The following FHIT variants were observed in gnomAD, a reference collection of about 807,000 sequenced individuals.
FHIT encodes the protein fragile histidine triad diadenosine triphosphatase, also known as bis(5'-adenosyl)-triphosphatase.
FHIT carries 19 observed loss-of-function variants against 17.9 expected under a neutral mutation model. The ratio of observed to expected loss-of-function variants is 1.06; its 90% CI spans 0.74 to 1.56. The LOEUF (loss-of-function observed/expected upper bound fraction) is 1.56. Ranked by LOEUF, FHIT falls within the 40% of genes most tolerant of loss-of-function variation. FHIT has a pLI of 0.00. For missense variants in FHIT, 248 were observed against 189.2 expected (o/e 1.31, Z -1.82); for synonymous variants, 81 against 69.7 (o/e 1.16, Z -0.81).
At chr3:60,834,682 A>T (rs1251850322) in intron 3 of FHIT, among the ~76,000 whole-genome samples, 1 of 151,364 alleles carries the variant, frequency 6.6e-6, no homozygotes, top group Non-Finnish European at 1.5e-5. Context: ...GGCAAAAGCC[A>T]GTCTCAACTA....
intron 5 of FHIT, among the ~76,000 whole-genome samples, chr3:60,152,020 T>C (rs941651029): frequency 1.4e-4 from 21 of 152,140 alleles, no homozygotes; most frequent in Admixed American, 4.6e-4. Context: ...CACCTATAAA[T>C]TGCTCTATAA....
chr3:60,332,216 T>C (rs1710012248), intron 5 of FHIT, among the ~76,000 whole-genome samples: 1 of 152,192 alleles, frequency 6.6e-6, no homozygotes, highest in Non-Finnish European at 1.5e-5. Flanking sequence ...TGAGAGAGGT[T>C]AAGAAAATTT....
At chr3:60,770,620 C>A (rs1700013263) in intron 4 of FHIT, among the ~76,000 whole-genome samples, 2 of 152,108 alleles carry the variant, frequency 1.3e-5, no homozygotes, top group African/African-American at 4.8e-5. Context: ...AAAATTAAAT[C>A]CTTCGTATCC....
chr3:60,452,398 C>T (rs1269848118), intron 5 of FHIT, among the ~76,000 whole-genome samples: 1 of 152,042 alleles, frequency 6.6e-6, no homozygotes, highest in African/African-American at 2.4e-5. Context: ...ACTGTGTACC[C>T]AAGATGACTA....
chr3:60,937,968 C>T (rs556963176), intron 3 of FHIT, among the ~76,000 whole-genome samples: 6 of 152,216 alleles, frequency 3.9e-5, no homozygotes, highest in Admixed American at 1.3e-4. Context: ...CAAGGGGGTC[C>T]CAGCCTCACA....
chr3:59,831,608 G>A (rs1701167016), intron 8 of FHIT, among the ~76,000 whole-genome samples: 1 of 152,090 alleles, frequency 6.6e-6, no homozygotes, highest in African/African-American at 2.4e-5. Context: ...CGATAAGACT[G>A]TCTGTCCCAG....
intron 4 of FHIT, among the ~76,000 whole-genome samples, chr3:60,649,692 C>T (rs2039947624): frequency 1.3e-5 from 2 of 152,152 alleles, no homozygotes; most frequent in South Asian, 2.1e-4. Flanking sequence ...ATTAATCAAG[C>T]TTATTGCTGT....
At chr3:60,704,594 C>A (rs61393201) in intron 4 of FHIT, among the ~76,000 whole-genome samples, 1,664 of 152,192 alleles carry the variant, frequency 0.011, 32 homozygotes, top group African/African-American at 0.038. Flanking sequence ...AGACTTTGCT[C>A]CAGGCAGAAA....
chr3:60,357,425 A>C (rs1441556260), intron 5 of FHIT, among the ~76,000 whole-genome samples: 1 of 152,002 alleles, frequency 6.6e-6, no homozygotes, highest in Non-Finnish European at 1.5e-5. Flanking sequence ...TTGTATTTTT[A>C]GTAGAGACAG....
At chr3:60,564,059 T>C (rs1285161349) in intron 4 of FHIT, among the ~76,000 whole-genome samples, 1 of 152,124 alleles carries the variant, frequency 6.6e-6, no homozygotes, top group Non-Finnish European at 1.5e-5. Context: ...ACTGAATCTC[T>C]TGTTAGGGGC....
Position 59,795,146 on chromosome 3 carries a change from G to A in FHIT, c.349-42825C>T, listed in dbSNP as rs552445594. On this transcript the variant is annotated intron_variant, in intron 8 of 9. Transcript: ENST00000492590. ...CATGCCTGTAATCCCAGCACCGTGG[G>A]AGGCTGAGGCATGCGGATTACTTGA... Among the ~76,000 whole-genome samples, 5 of 152,316 alleles carry A rather than the reference G, an allele frequency of 3.3e-5. No individual in the cohort carries two copies. In the East Asian group the frequency reaches 9.7e-4, roughly 29 times the overall value.
At chr3:60,000,393 T>C (rs1373432599) in intron 7 of FHIT, among the ~76,000 whole-genome samples, 1 of 152,238 alleles carries the variant, frequency 6.6e-6, no homozygotes, top group African/African-American at 2.4e-5. Context: ...CATTTTCATA[T>C]ATTCTATGGC....
chr3:60,040,434 G>A (rs927636170), intron 5 of FHIT, among the ~76,000 whole-genome samples: 4 of 152,104 alleles, frequency 2.6e-5, no homozygotes, highest in East Asian at 1.9e-4. Flanking sequence ...ATGAGCCACC[G>A]CGCCTGGCCT....
chr3:60,921,497 G>A (rs1553768340), intron 3 of FHIT, among the ~76,000 whole-genome samples: 1 of 152,106 alleles, frequency 6.6e-6, no homozygotes, highest in East Asian at 1.9e-4. Flanking sequence ...AGAATAGACA[G>A]CCTTTGAAAG....
chr3:59,925,640 A>G (rs967745589), intron 7 of FHIT, among the ~76,000 whole-genome samples: 1 of 152,178 alleles, frequency 6.6e-6, no homozygotes, highest in South Asian at 2.1e-4. Context: ...AGTTCTAGAA[A>G]AGCCACTCTT....
chr3:60,024,939 A>T (rs1700685511), intron 5 of FHIT, among the ~76,000 whole-genome samples: 1 of 152,224 alleles, frequency 6.6e-6, no homozygotes, highest in Admixed American at 6.5e-5. Context: ...TTTATTGCAG[A>T]CTAGGTAAAA....
chr3:60,140,841 G>T (rs1700011710), intron 5 of FHIT, among the ~76,000 whole-genome samples: 1 of 152,078 alleles, frequency 6.6e-6, no homozygotes, highest in African/African-American at 2.4e-5. Context: ...GCCTTCCAAA[G>T]TGCTGGGATT....
chr3:60,325,054 T>C (rs986013843), intron 5 of FHIT, among the ~76,000 whole-genome samples: 14 of 152,156 alleles, frequency 9.2e-5, no homozygotes, highest in Admixed American at 9.2e-4. Context: ...TCATTCTTAA[T>C]ATTTTCCAAA....
intron 4 of FHIT, among the ~76,000 whole-genome samples, chr3:60,737,066 A>T (rs1268651642): frequency 3.9e-5 from 6 of 152,218 alleles, no homozygotes; most frequent in African/African-American, 1.2e-4. Flanking sequence ...AATATATAGC[A>T]GGCATACATA....
Sources: gnomAD v4.1 joint callset for allele counts (sites outside exome capture counted in the v4.1 genomes callset) on GRCh38, gnomAD v4.1.1 for gene constraint, MANE v1.5 for transcripts, NCBI Gene and HGNC (gene_info 2026-07-23, HGNC 2026-07-21) for gene names.